The following TECRL variants were observed in gnomAD, a reference collection of about 807,000 sequenced individuals.
TECRL encodes trans-2,3-enoyl-CoA reductase-like.
Under a neutral mutation model 52.8 loss-of-function variants are expected in TECRL, and 63 were observed. The ratio of observed to expected loss-of-function variants is 1.19; its 90% confidence interval spans 0.97 to 1.47. The LOEUF (loss-of-function observed/expected upper bound fraction) is 1.47, where lower values mean the gene tolerates loss of function less well. Among genes scored for constraint, TECRL ranks in the 40% most tolerant of loss-of-function variants. The pLI, the probability that TECRL is intolerant of heterozygous loss-of-function variation, is 0.00. For missense variants in TECRL, 482 were observed against 429.6 expected, an observed-to-expected ratio of 1.12 and a Z score of -1.08; for synonymous variants, 164 against 141.9, an observed-to-expected ratio of 1.16 and a Z score of -1.10.
chr4:64,401,721 GTC>G (rs1367128900), intron 1 of TECRL, among the ~76,000 whole-genome samples: 10 of 152,244 alleles, frequency 6.6e-5, no homozygotes, highest in African/African-American at 1.9e-4. Context: ...AAATGTGTAC[GTC>G]TCTCTTGACA....
At chr4:64,291,572 T>A (rs141285140) in intron 8 of TECRL, among the ~76,000 whole-genome samples, 107 of 152,094 alleles carry the variant, frequency 7.0e-4, no homozygotes, top group African/African-American at 2.5e-3. Flanking sequence ...ATGAAACGTA[T>A]TTGTTTTGAG....
intron 1 of TECRL, among the ~76,000 whole-genome samples, chr4:64,404,686 C>T (rs929538690): frequency 7.9e-5 from 12 of 151,950 alleles, no homozygotes; most frequent in Non-Finnish European, 1.6e-4. Flanking sequence ...ATGAATTATA[C>T]ACTAACACAA....
At chr4:64,388,202 G>A (rs1723306290) in intron 1 of TECRL, among the ~76,000 whole-genome samples, 1 of 139,840 alleles carries the variant, frequency 7.2e-6, no homozygotes, top group Admixed American at 7.5e-5. Context: ...TGTGAAATGT[G>A]TAAGATGAGT....
At chr4:64,293,615 C>T (rs1723515404) in intron 8 of TECRL, among the ~76,000 whole-genome samples, 3 of 151,786 alleles carry the variant, frequency 2.0e-5, no homozygotes, top group Non-Finnish European at 4.4e-5. Flanking sequence ...AGCAAGGGGT[C>T]GAGGGAGGAC....
chr4:64,346,589 G>T (rs906687469), intron 2 of TECRL, among the ~76,000 whole-genome samples: 21 of 152,376 alleles, frequency 1.4e-4, no homozygotes, highest in Middle Eastern at 3.4e-3. Context: ...ACTGGAACTG[G>T]AGCAGCTGAG....
intron 6 of TECRL, among the ~76,000 whole-genome samples, chr4:64,308,595 C>G (rs1724487482): frequency 6.6e-6 from 1 of 152,136 alleles, no homozygotes; most frequent in African/African-American, 2.4e-5. Context: ...TCTTCAGGTA[C>G]CCTCTAGCTG....
chr4:64,394,830 C>T (rs1410523405), intron 1 of TECRL, among the ~76,000 whole-genome samples: 9 of 151,328 alleles, frequency 5.9e-5, no homozygotes, highest in Non-Finnish European at 8.8e-5. Flanking sequence ...AAACACTGAG[C>T]TCTTTAAAAG....
At chr4:64,404,687 A>G (rs1219762669) in intron 1 of TECRL, among the ~76,000 whole-genome samples, 1 of 152,064 alleles carries the variant, frequency 6.6e-6, no homozygotes, top group Non-Finnish European at 1.5e-5. Context: ...TGAATTATAC[A>G]CTAACACAAA....
intron 8 of TECRL, among the ~76,000 whole-genome samples, chr4:64,294,775 T>C (rs1036999998): frequency 3.3e-5 from 5 of 152,090 alleles, no homozygotes; most frequent in Admixed American, 2.6e-4. Context: ...ATAATAGTAA[T>C]AATAATAATT....
At chr4:64,295,771 G>T (rs1298135173) in intron 8 of TECRL, among the ~76,000 whole-genome samples, 1 of 151,822 alleles carries the variant, frequency 6.6e-6, no homozygotes, top group Non-Finnish European at 1.5e-5. Context: ...TATTTCTGCA[G>T]TTTGGAGTAA....
At chr4:64,310,126 A>G (rs1166692612) in intron 5 of TECRL, among the ~76,000 whole-genome samples, 195 bp from the exon 6 acceptor site, 1 of 152,188 alleles carries the variant, frequency 6.6e-6, no homozygotes, top group Non-Finnish European at 1.5e-5. Flanking sequence ...AGTAGCTGTT[A>G]TAAGAGTCTC....
chr4:64,381,510 T>C (rs953054565), intron 1 of TECRL, among the ~76,000 whole-genome samples: 1 of 152,068 alleles, frequency 6.6e-6, no homozygotes, highest in Non-Finnish European at 1.5e-5. Flanking sequence ...CAGAATGATG[T>C]CAGCTGAAGG....
At chr4:64,347,625 A>G (rs922436466) in intron 2 of TECRL, among the ~76,000 whole-genome samples, 4 of 152,086 alleles carry the variant, frequency 2.6e-5, no homozygotes, top group South Asian at 2.1e-4. Flanking sequence ...CAGGAGAGAG[A>G]AAAATAAAGC....
chr4:64,308,071 C>T (rs1013212242), intron 6 of TECRL, among the ~76,000 whole-genome samples: 2 of 152,092 alleles, frequency 1.3e-5, no homozygotes, highest in African/African-American at 4.8e-5. Flanking sequence ...CAGTTATCTC[C>T]CCGTTCCACC....
intron 8 of TECRL, among the ~76,000 whole-genome samples, chr4:64,294,223 G>C (rs1384517752): frequency 6.6e-6 from 1 of 152,124 alleles, no homozygotes; most frequent in East Asian, 1.9e-4. Flanking sequence ...CTGACCTCAA[G>C]TGAACCACCT....
At chr4:64,336,085 T>C (rs1467736712) in intron 2 of TECRL, among the ~76,000 whole-genome samples, 1 of 152,204 alleles carries the variant, frequency 6.6e-6, no homozygotes, top group African/African-American at 2.4e-5. Flanking sequence ...TCGGAAGGAA[T>C]GGTACCAGCT....
intron 4 of TECRL, among the ~76,000 whole-genome samples, chr4:64,319,521 AAAG>A (rs990614731): frequency 6.6e-5 from 10 of 152,016 alleles, no homozygotes; most frequent in South Asian, 2.1e-4. Flanking sequence ...AAGACAAGTT[AAAG>A]AAGGAGAGAA....
At chr4:64,304,960 G>C in intron 7 of TECRL, 1 of 355,876 alleles carries the variant, frequency 2.8e-6, no homozygotes, top group Non-Finnish European at 5.1e-6. Context: ...AATATTTTTG[G>C]TGGTTCGTGT....
chr4:64,401,775 A>G (rs1431088832), intron 1 of TECRL, among the ~76,000 whole-genome samples: 2 of 152,146 alleles, frequency 1.3e-5, no homozygotes, highest in Non-Finnish European at 2.9e-5. Flanking sequence ...CAGAAATGTT[A>G]TTTAAGCTTT....
Sources: gnomAD v4.1 joint callset for allele counts (sites outside exome capture counted in the v4.1 genomes callset) on GRCh38, gnomAD v4.1.1 for gene constraint, MANE v1.5 for transcripts, NCBI Gene and HGNC (gene_info 2026-07-23, HGNC 2026-07-21) for gene names.